The following DNAJC13 variants were observed in gnomAD, a reference collection of about 807,000 sequenced individuals.
The protein encoded by DNAJC13 is dnaJ homolog subfamily C member 13.
DNAJC13 carries 75 observed loss-of-function variants against 290.5 expected under a neutral mutation model. The observed-to-expected ratio is 0.26, with a 90% CI of 0.21 to 0.31. The LOEUF is 0.31. DNAJC13 is among the 10% of genes least tolerant of loss of function. The probability of loss-of-function intolerance (pLI) is 1.00; values close to 1 mark genes in which losing one functional copy is unlikely to be tolerated. For missense variants in DNAJC13, 2,260 were observed against 2,674.5 expected (o/e 0.85, Z 3.42); for synonymous variants, 862 against 892.0 (o/e 0.97, Z 0.60).
intron 32 of DNAJC13, among the ~76,000 whole-genome samples, chr3:132,491,672 A>G (rs1240202434): frequency 6.6e-6 from 1 of 152,162 alleles, no homozygotes; most frequent in East Asian, 1.9e-4. Context: ...TTGATACTTC[A>G]TATTTCCAGT....
At chr3:132,495,274 T>C in intron 35 of DNAJC13, 108 bp downstream of exon 35, 3 of 791,912 alleles carry the variant, frequency 3.8e-6, no homozygotes, top group Non-Finnish European at 2.1e-6. Context: ...TCATAATATA[T>C]ACTCAGTGTA....
chr3:132,459,900 T>G (rs1012234338), intron 13 of DNAJC13, among the ~76,000 whole-genome samples: 1 of 152,200 alleles, frequency 6.6e-6, no homozygotes, highest in Non-Finnish European at 1.5e-5. Flanking sequence ...GACAAGTATT[T>G]GTTGTTAATT....
intron 51 of DNAJC13, among the ~76,000 whole-genome samples, chr3:132,524,739 A>C (rs992643466): frequency 6.6e-6 from 1 of 152,232 alleles, no homozygotes; most frequent in Non-Finnish European, 1.5e-5. Context: ...GGGAAAGCAC[A>C]TAGCAGTTTC....
chr3:132,509,581 A>G (rs1190826054), intron 43 of DNAJC13, among the ~76,000 whole-genome samples: 1 of 152,238 alleles, frequency 6.6e-6, no homozygotes, highest in Non-Finnish European at 1.5e-5. Context: ...TGTGGATAAA[A>G]TGTTGTCAAA....
chr3:132,425,712 G>GGTCA (rs1239110722), intron 1 of DNAJC13, among the ~76,000 whole-genome samples: 4 of 152,100 alleles, frequency 2.6e-5, no homozygotes, highest in Non-Finnish European at 4.4e-5. Context: ...GCTTTAAACA[G>GGTCA]GTGACTAGCC....
chr3:132,469,963 C>CTTTTTTTTTTTT (rs61726289), intron 20 of DNAJC13, among the ~76,000 whole-genome samples: 4 of 61,156 alleles, frequency 6.5e-5, no homozygotes, highest in East Asian at 7.1e-4. Flanking sequence ...AGCAGAGATT[C>CTTTTTTTTTTTT]TTTTTTTTTT....
At chr3:132,469,963 C>CTTTTTTTTTTT (rs61726289) in intron 20 of DNAJC13, among the ~76,000 whole-genome samples, 16 of 61,158 alleles carry the variant, frequency 2.6e-4, no homozygotes, top group Admixed American at 6.0e-4. Flanking sequence ...AGCAGAGATT[C>CTTTTTTTTTTT]TTTTTTTTTT....
chr3:132,463,732 C>T lies in DNAJC13; in HGVS notation c.1807C>T (p.Leu603Phe), dbSNP rs1933884468. ...DKEIATKMQE[L>F]ALSEGALPRH... Reference sequence around the variant, plus strand: ...AGAAATTGCTACAAAAATGCAGGAGCTTGCCCTAAGTGAAGGTGCCTTACC... The same window carrying T: ...AGAAATTGCTACAAAAATGCAGGAGTTTGCCCTAAGTGAAGGTGCCTTACC... Residue 603 changes from leucine (L) to phenylalanine (F), a missense_variant, in exon 17 of 56, where the codon CTT (leucine) becomes TTT (phenylalanine). This residue lies in a region of DNAJC13 where 762 missense variants were observed against 964.1 expected (regional missense o/e 0.79). Coordinates refer to ENST00000260818, the MANE Select transcript of DNAJC13 (RefSeq NM_015268.4). 6.2e-7 allele frequency: 1 copy of T among 1,613,310 alleles called. No individual in the cohort carries two copies. The highest frequency in any genetic ancestry group is 8.5e-7 in the Non-Finnish European group (1 of 1,179,460).
At chr3:132,442,096 TA>T (rs568228562) in intron 2 of DNAJC13, among the ~76,000 whole-genome samples, 7 of 146,560 alleles carry the variant, frequency 4.8e-5, no homozygotes, top group African/African-American at 1.0e-4. Flanking sequence ...ATACCATATG[TA>T]AAAAAAAATC....
At chr3:132,497,302 A>T (rs1935263474) in intron 36 of DNAJC13, among the ~76,000 whole-genome samples, 1 of 152,172 alleles carries the variant, frequency 6.6e-6, no homozygotes, top group South Asian at 2.1e-4. Context: ...TGTTCAAAAC[A>T]TCCCCCTTTG....
At position 132,427,107 on chromosome 3, in the gene DNAJC13, G is replaced by A. The variant is rs571783997; in HGVS notation, c.-13-7431G>A. Among the ~76,000 whole-genome samples the A allele has an allele frequency of 3.2e-3, 402 of 125,268 alleles. 5 individuals are homozygous for A. Among genetic ancestry groups the A allele is most frequent in the African/African-American group, 0.013 (385 of 29,182 alleles). 82.2% of individuals were successfully genotyped at this position (125,268 alleles called of 152,430 possible). On this transcript the variant is annotated intron_variant, in intron 1 of 55. Coordinates refer to ENST00000260818, the MANE Select transcript of DNAJC13 (RefSeq NM_015268.4). ...TGTGTGTGTGTGTGTGTGTGTGCAC[G>A]TGTGTGTGTGTGTATATATATATAT...
At chr3:132,458,829 C>T (rs1472686397) in intron 13 of DNAJC13, among the ~76,000 whole-genome samples, 1 of 152,112 alleles carries the variant, frequency 6.6e-6, no homozygotes, top group Admixed American at 6.5e-5. Flanking sequence ...TGATGTATCC[C>T]TCCCTGAAGT....
In DNAJC13 at chr3:132,483,381, G is replaced by C. The variant is rs1934746526; in HGVS notation, c.2986G>C (p.Glu996Gln). Residue 996 changes from glutamate (E) to glutamine (Q), a missense_variant, in exon 28 of 56, where the codon GAA becomes CAA. Glu to Gln is a conservative substitution (Grantham distance 29, BLOSUM62 2). Around this residue, in one of 3 missense-constraint regions of DNAJC13, gnomAD observed 1,494 missense variants for 1,693.7 expected, o/e 0.88. Coordinates refer to ENST00000260818, the MANE Select transcript of DNAJC13 (RefSeq NM_015268.4). Reference sequence around the variant, plus strand: ...AATGCCTTCCATCCATTAGATGCAAGAATTGTGGACCAAAGGAATGTTAAA... The same window carrying C: ...AATGCCTTCCATCCATTAGATGCAACAATTGTGGACCAAAGGAATGTTAAA... ...SGPYGFHEMQ[E>Q]LWTKGMLNAK... is the part of the protein sequence containing the mutation. 6.2e-7 allele frequency: 1 copy of C among 1,613,962 alleles called. No individual in the cohort carries two copies. The highest frequency in any genetic ancestry group is 8.5e-7 in the Non-Finnish European group (1 of 1,179,910).
chr3:132,512,896 C>G, intron 44 of DNAJC13, 112 bp from the exon 45 acceptor site: 1 of 859,618 alleles, frequency 1.2e-6, no homozygotes, highest in Non-Finnish European at 1.9e-6. Context: ...ATGTTTAGAA[C>G]CAGTTATCAG....
At chr3:132,450,879 T>A in intron 6 of DNAJC13, 32 bp downstream of exon 6, 12 of 1,271,114 alleles carry the variant, frequency 9.4e-6, no homozygotes, top group Non-Finnish European at 1.2e-5. Flanking sequence ...AAAAACACTT[T>A]AAAAGGGTCA....
At chr3:132,507,485 T>A (rs545633502) in intron 43 of DNAJC13, 132 bp downstream of exon 43, 8 of 634,238 alleles carry the variant, frequency 1.3e-5, no homozygotes, top group South Asian at 1.1e-4. Context: ...TTTTTTTTTT[T>A]AACAAATCAA....
At chr3:132,507,143 T>C (rs950326263) in intron 42 of DNAJC13, 94 bp from the exon 43 acceptor site, 5 of 782,886 alleles carry the variant, frequency 6.4e-6, no homozygotes, top group Non-Finnish European at 8.4e-6. Flanking sequence ...CTCTAGAATA[T>C]GCATAGATCT....
intron 39 of DNAJC13, among the ~76,000 whole-genome samples, chr3:132,501,659 GA>G (rs1198913408): frequency 6.6e-6 from 1 of 152,092 alleles, no homozygotes. Flanking sequence ...TTAGAGATCT[GA>G]GAACTTACTA....
chr3:132,458,427 T>A (rs1933686583), intron 13 of DNAJC13: 1 of 152,178 alleles, frequency 6.6e-6, no homozygotes, highest in African/African-American at 2.4e-5. Context: ...GGAGAGTTGC[T>A]TTATTCGAAC....
Sources: allele counts gnomAD v4.1 joint callset (sites outside exome capture counted in the v4.1 genomes callset), GRCh38; gene constraint gnomAD v4.1.1; regional missense constraint gnomAD v4.1.1; transcripts MANE v1.5; gene names NCBI Gene and HGNC (gene_info 2026-07-23, HGNC 2026-07-21).